NEK10: variants seen among roughly 807,000 people sequenced by gnomAD.
NEK10 encodes NIMA related kinase 10.
Under a neutral mutation model 159.8 loss-of-function variants are expected in NEK10, and 122 were observed. The observed-to-expected ratio is 0.76, with a 90% CI of 0.66 to 0.89. The LOEUF (loss-of-function observed/expected upper bound fraction) is 0.89, where lower values mean the gene tolerates loss of function less well. Ranked by LOEUF, NEK10 falls within the 40% of genes least tolerant of loss-of-function variation. The probability of loss-of-function intolerance (pLI) is 0.00; values close to 1 mark genes in which losing one functional copy is unlikely to be tolerated. For synonymous variants in NEK10, 466 were observed against 457.1 expected (o/e 1.02, Z -0.25); for missense variants, 1,342 against 1,323.1 (o/e 1.01, Z -0.22).
In NEK10 at chr3:27,204,873, AG is replaced by A. The variant is rs1182495698; in HGVS notation, c.2091-2317del. Among the ~76,000 whole-genome samples the A allele has an allele frequency of 3.6e-5, 5 of 140,008 alleles. No individual in the cohort carries two copies. The Admixed American group carries it at 3.8e-4, about 11-fold the overall frequency. 91.9% of individuals were successfully genotyped at this position (140,008 alleles called of 152,430 possible). On this transcript the variant is annotated intron_variant, in intron 23 of 35. Coordinates refer to ENST00000691995, the MANE Select transcript of NEK10 (RefSeq NM_001394966.1). ...TGGTATTTCTAGTTCTAGATCCCTGAGGAATCGCCACACTGACTTCCACAAT... is the reference window on the plus strand; with the variant it reads ...TGGTATTTCTAGTTCTAGATCCCTGAGAATCGCCACACTGACTTCCACAAT...
intron 23 of NEK10, among the ~76,000 whole-genome samples, chr3:27,228,402 G>C (rs908122971): frequency 6.6e-6 from 1 of 151,760 alleles, no homozygotes; most frequent in African/African-American, 2.4e-5. Context: ...GAAACTCTCT[G>C]GCCCTATTTT....
chr3:27,119,984 G>C lies in NEK10; in HGVS notation c.3082-116C>G, dbSNP rs114281242. The C allele has an allele frequency of 1.5e-3, 1,038 of 706,076 alleles. 2 individuals are homozygous for C. In the African/African-American group the frequency reaches 0.015, roughly 10 times the overall value. The allele number at this position is 706,076 out of a possible 1,614,324, so 43.7% of individuals were successfully genotyped here. A position where few individuals can be genotyped will look rare whatever the true frequency, so the allele number is the denominator to read the frequency against. On this transcript the variant is annotated intron_variant, in intron 32 of 35. Coordinates refer to ENST00000691995, the MANE Select transcript of NEK10 (RefSeq NM_001394966.1). ...CTCTGCACAGAAAATTTAGTGTTCTGTGGTTTTCAATCCCTTGTAAATAGA... is the reference window on the plus strand; with the variant it reads ...CTCTGCACAGAAAATTTAGTGTTCTCTGGTTTTCAATCCCTTGTAAATAGA...
chr3:27,271,935 C>T (rs2041395086), intron 22 of NEK10, among the ~76,000 whole-genome samples: 2 of 152,078 alleles, frequency 1.3e-5, no homozygotes, highest in Admixed American at 6.6e-5. Flanking sequence ...AGCATGTTTA[C>T]ACTATAGCCC....
intron 1 of NEK10, among the ~76,000 whole-genome samples, chr3:27,357,541 G>T (rs181256612): frequency 4.6e-5 from 7 of 152,190 alleles, no homozygotes; most frequent in Admixed American, 6.5e-5. Context: ...AATCTTTTAT[G>T]GACTGATACT....
At chr3:27,148,655 T>C (rs1167507586) in intron 30 of NEK10, among the ~76,000 whole-genome samples, 2 of 152,188 alleles carry the variant, frequency 1.3e-5, no homozygotes, top group African/African-American at 4.8e-5. Context: ...AATTTGGAAT[T>C]TGAGGGTGAT....
intron 5 of NEK10, among the ~76,000 whole-genome samples, chr3:27,326,358 A>G (rs924938462): frequency 6.6e-6 from 1 of 152,228 alleles, no homozygotes; most frequent in African/African-American, 2.4e-5. Context: ...CTAGCAACCT[A>G]GTGATGTTGA....
intron 31 of NEK10, among the ~76,000 whole-genome samples, chr3:27,132,778 G>A (rs1006134531): frequency 2.0e-5 from 3 of 152,122 alleles, no homozygotes; most frequent in African/African-American, 7.2e-5. Flanking sequence ...GGGTCTCAGA[G>A]TGGAAATAAT....
chr3:27,262,276 A>G (rs539283458), intron 22 of NEK10, among the ~76,000 whole-genome samples: 138 of 152,058 alleles, frequency 9.1e-4, no homozygotes, highest in African/African-American at 3.3e-3. Context: ...TTTTTCCTTC[A>G]TTTCAACTTC....
rs797013362 is a variant in NEK10 at position 27,267,432 on chromosome 3, A to G, written c.2015-11061T>C. The stretch of plus-strand genomic sequence containing the variant: ...AATTGAAGGTTTGTGGCAACCCTGT[A>G]TCCAGCAAGCCTATGAGCACCATTT... On this transcript the variant is annotated intron_variant, in intron 22 of 35. Transcript: ENST00000691995. Among the ~76,000 whole-genome samples, 45 of 152,284 alleles carry G rather than the reference A, an allele frequency of 3.0e-4. 1 individual carries two copies. Among genetic ancestry groups the G allele is most frequent in the African/African-American group, 1.0e-3 (43 of 41,552 alleles).
At chr3:27,194,127 T>A in intron 25 of NEK10, 1 of 26,634 alleles carries the variant, frequency 3.8e-5, no homozygotes, top group South Asian at 1.0e-3. Context: ...GAGAAATTCT[T>A]TTTTTTTTTT....
chr3:27,251,500 T>A (rs1454360294), intron 23 of NEK10, among the ~76,000 whole-genome samples: 4 of 152,160 alleles, frequency 2.6e-5, no homozygotes, highest in African/African-American at 9.7e-5. Context: ...TCCCCTCTCC[T>A]GCTCCTGCTC....
chr3:27,218,928 G>A (rs940364358), intron 23 of NEK10, among the ~76,000 whole-genome samples: 12 of 152,098 alleles, frequency 7.9e-5, no homozygotes, highest in African/African-American at 2.2e-4. Flanking sequence ...CCACTCAGAC[G>A]GGTAAATAAC....
chr3:27,267,084 A>G (rs1329336081), intron 22 of NEK10, among the ~76,000 whole-genome samples: 1 of 152,166 alleles, frequency 6.6e-6, no homozygotes, highest in East Asian at 1.9e-4. Flanking sequence ...GGAGCACCCA[A>G]GCCAACAGCT....
At chr3:27,124,667 G>A (rs1941732529) in intron 32 of NEK10, among the ~76,000 whole-genome samples, 1 of 152,188 alleles carries the variant, frequency 6.6e-6, no homozygotes, top group Non-Finnish European at 1.5e-5. Flanking sequence ...ATGAAGCAGA[G>A]CAGGTGAAAA....
In NEK10 at chr3:27,107,183, CATTT is replaced by C. The variant is rs1939077832; in HGVS notation, c.*4085_*4088del. Among the ~76,000 whole-genome samples the C allele has an allele frequency of 6.6e-6, 1 of 152,026 alleles. No homozygotes were observed. Among genetic ancestry groups the C allele is most frequent in the East Asian group, 1.9e-4 (1 of 5,194 alleles). ...CTGTGATTTTAGGGTACGTGATCTTCATTTTTAAAAACAACTATTGCCCATGAAC... is the reference window on the plus strand; with the variant it reads ...CTGTGATTTTAGGGTACGTGATCTTCTTAAAAACAACTATTGCCCATGAAC... On this transcript the variant is annotated 3_prime_UTR_variant, in exon 36 of 36. Coordinates refer to ENST00000691995, the MANE Select transcript of NEK10 (RefSeq NM_001394966.1).
chr3:27,152,703 G>A (rs2148754489), intron 30 of NEK10, among the ~76,000 whole-genome samples: 1 of 151,830 alleles, frequency 6.6e-6, no homozygotes, highest in East Asian at 1.9e-4. Context: ...TAAATGCTCT[G>A]CTTAAAACAT....
intron 5 of NEK10, among the ~76,000 whole-genome samples, chr3:27,331,046 G>A (rs1000222453): frequency 2.0e-5 from 3 of 151,990 alleles, no homozygotes; most frequent in African/African-American, 7.2e-5. Flanking sequence ...GACCAGCCTG[G>A]CCAACATGGC....
At chr3:27,261,075 T>C (rs1404974796) in intron 22 of NEK10, among the ~76,000 whole-genome samples, 4 of 152,218 alleles carry the variant, frequency 2.6e-5, no homozygotes, top group Admixed American at 6.5e-5. Flanking sequence ...ATATCCCCTT[T>C]ATCATTTTTT....
intron 5 of NEK10, among the ~76,000 whole-genome samples, chr3:27,340,367 G>T (rs2047115135): frequency 6.6e-6 from 1 of 152,052 alleles, no homozygotes; most frequent in African/African-American, 2.4e-5. Flanking sequence ...GGTGGTGGGT[G>T]GCAAAAGGAG....
Sources: gnomAD v4.1 joint callset for allele counts (sites outside exome capture counted in the v4.1 genomes callset) on GRCh38, gnomAD v4.1.1 for gene constraint, MANE v1.5 for transcripts, NCBI Gene and HGNC (gene_info 2026-07-23, HGNC 2026-07-21) for gene names.